GPC6: variants seen among roughly 807,000 people sequenced by gnomAD.
GPC6 encodes the protein glypican-6.
In GPC6, 14 loss-of-function variants were observed where a neutral mutation model predicts 55.2. The observed-to-expected ratio is 0.25, with a 90% CI of 0.17 to 0.40. The LOEUF is 0.40. Among genes scored for constraint, GPC6 ranks in the 10% least tolerant of loss-of-function variants. The pLI is 1.00. For missense variants in GPC6, 641 were observed against 708.5 expected, an observed-to-expected ratio of 0.90 and a Z score of 1.08; for synonymous variants, 278 against 259.6, an observed-to-expected ratio of 1.07 and a Z score of -0.68.
At chr13:94,382,770 T>C (rs1187431121) in intron 7 of GPC6, among the ~76,000 whole-genome samples, 1 of 152,188 alleles carries the variant, frequency 6.6e-6, no homozygotes, top group Admixed American at 6.5e-5. Context: ...ATTCAGAATG[T>C]CTTGCCTCTG....
At chr13:93,862,905 A>T (rs2139028353) in intron 3 of GPC6, among the ~76,000 whole-genome samples, 1 of 151,694 alleles carries the variant, frequency 6.6e-6, no homozygotes, top group East Asian at 2.0e-4. Flanking sequence ...ATCTTTTAAG[A>T]TACAGAAAAG....
At chr13:93,550,738 G>A (rs767110112) in intron 2 of GPC6, among the ~76,000 whole-genome samples, 18 of 151,898 alleles carry the variant, frequency 1.2e-4, no homozygotes, top group Admixed American at 3.3e-4. Flanking sequence ...CCCTAAATAG[G>A]TTTCCATATG....
intron 1 of GPC6, among the ~76,000 whole-genome samples, chr13:93,341,709 CT>C (rs941080744): frequency 7.7e-6 from 1 of 130,638 alleles, no homozygotes; most frequent in Non-Finnish European, 1.7e-5. Flanking sequence ...TTTTTTTTTT[CT>C]TTTTTTTGCT....
intron 2 of GPC6, among the ~76,000 whole-genome samples, chr13:93,659,630 C>A (rs1880834702): frequency 6.6e-6 from 1 of 151,916 alleles, no homozygotes; most frequent in Non-Finnish European, 1.5e-5. Flanking sequence ...GCTATCAATC[C>A]TCTCGCTTCT....
intron 3 of GPC6, among the ~76,000 whole-genome samples, chr13:93,959,231 C>T (rs531255990): frequency 3.3e-4 from 50 of 149,622 alleles, no homozygotes; most frequent in African/African-American, 1.1e-3. Context: ...GGTGTGATCT[C>T]GGCTCACTGC....
At chr13:94,191,303 G>C (rs1047524936) in intron 4 of GPC6, among the ~76,000 whole-genome samples, 13 of 152,144 alleles carry the variant, frequency 8.5e-5, no homozygotes, top group African/African-American at 3.1e-4. Context: ...AAATCTTCTT[G>C]GTATTCCATG....
intron 4 of GPC6, among the ~76,000 whole-genome samples, chr13:94,282,580 A>T (rs1892417009): frequency 6.6e-6 from 1 of 152,210 alleles, no homozygotes; most frequent in African/African-American, 2.4e-5. Context: ...CAACTAGTCG[A>T]TTCTTCTGCT....
At chr13:93,260,919 G>T (rs942872225) in intron 1 of GPC6, among the ~76,000 whole-genome samples, 2 of 151,964 alleles carry the variant, frequency 1.3e-5, no homozygotes, top group Non-Finnish European at 2.9e-5. Flanking sequence ...GTTCAGTATT[G>T]GTTTAATACT....
intron 4 of GPC6, among the ~76,000 whole-genome samples, chr13:94,267,125 G>C (rs1891843225): frequency 6.6e-6 from 1 of 152,124 alleles, no homozygotes; most frequent in African/African-American, 2.4e-5. Context: ...TGGAAGTCCA[G>C]ATCCAGTCTT....
chr13:93,400,338 CA>C (rs11345982), intron 1 of GPC6, among the ~76,000 whole-genome samples: 39,715 of 141,858 alleles, frequency 0.28, 5,255 homozygotes, highest in Middle Eastern at 0.29. Context: ...AGGCACTGGT[CA>C]AAAAAAAAAA....
chr13:93,353,218 G>A (rs545224075), intron 1 of GPC6, among the ~76,000 whole-genome samples: 5 of 152,296 alleles, frequency 3.3e-5, no homozygotes, highest in South Asian at 2.1e-4. Flanking sequence ...TTAGGCATAC[G>A]ATAAAGTAAT....
At chr13:93,297,423 A>G (rs1878531830) in intron 1 of GPC6, among the ~76,000 whole-genome samples, 1 of 152,174 alleles carries the variant, frequency 6.6e-6, no homozygotes, top group Non-Finnish European at 1.5e-5. Context: ...AAACCTGCAC[A>G]TGTATCCCAG....
rs565036501 is a variant in GPC6, at chr13:94,244,794, A to G, written c.878-41555A>G. 1.2e-4 allele frequency among the ~76,000 whole-genome samples: 19 copies of G among 152,136 alleles called. No individual in the cohort carries two copies. The South Asian group carries it at 3.7e-3, about 30-fold the overall frequency. Reference sequence around the variant, plus strand: ...TTGCTGAAAAGAGGCAGAATGTGAGAGGGGGATGTAGGGAATGTGGGAAAT... The same window carrying G: ...TTGCTGAAAAGAGGCAGAATGTGAGGGGGGGATGTAGGGAATGTGGGAAAT... On this transcript the variant is annotated intron_variant, in intron 4 of 8. Coordinates refer to ENST00000377047, the MANE Select transcript of GPC6 (RefSeq NM_005708.5).
At chr13:94,084,006 C>T (rs539058287) in intron 4 of GPC6, among the ~76,000 whole-genome samples, 1 of 152,272 alleles carries the variant, frequency 6.6e-6, no homozygotes, top group African/African-American at 2.4e-5. Context: ...ACGAAAATGG[C>T]TTTCCCATTC....
chr13:94,121,885 GCTCCTCCTACCCAACCACTCATTCCA>G (rs1886644136), intron 4 of GPC6, among the ~76,000 whole-genome samples: 1 of 152,026 alleles, frequency 6.6e-6, no homozygotes, highest in Non-Finnish European at 1.5e-5. Context: ...GGGCTACTGT[GCTCCTCCTACCCAACCACTCATTCCA>G]TGCTTCAGCA....
At chr13:94,012,966 GCTTAGGGAT>G (rs1157280611) in intron 3 of GPC6, among the ~76,000 whole-genome samples, 1 of 152,076 alleles carries the variant, frequency 6.6e-6, no homozygotes, top group Non-Finnish European at 1.5e-5. Context: ...CTGATGAGAC[GCTTAGGGAT>G]CTTGTTTTAC....
chr13:93,583,018 G>T (rs1187922878), intron 2 of GPC6, among the ~76,000 whole-genome samples: 1 of 152,102 alleles, frequency 6.6e-6, no homozygotes, highest in Non-Finnish European at 1.5e-5. Context: ...GAGGTAAAAG[G>T]CTCTAACACA....
At chr13:94,378,176 C>G (rs1355935781) in intron 6 of GPC6, among the ~76,000 whole-genome samples, 2 of 151,904 alleles carry the variant, frequency 1.3e-5, no homozygotes, top group Non-Finnish European at 2.9e-5. Flanking sequence ...TGCACATGTA[C>G]CCTAAAACTT....
At chr13:93,620,044 A>C (rs1414829347) in intron 2 of GPC6, among the ~76,000 whole-genome samples, 3 of 151,978 alleles carry the variant, frequency 2.0e-5, no homozygotes, top group African/African-American at 7.3e-5. Context: ...TAAACTGCTG[A>C]CTTATCATGT....
Sources: gnomAD v4.1 joint callset for allele counts (sites outside exome capture counted in the v4.1 genomes callset) on GRCh38, gnomAD v4.1.1 for gene constraint, MANE v1.5 for transcripts, NCBI Gene and HGNC (gene_info 2026-07-23, HGNC 2026-07-21) for gene names.